The following SH3GL3 variants were observed in gnomAD, a reference collection of about 807,000 sequenced individuals.
SH3GL3 encodes the protein SH3 domain containing GRB2 like 3, endophilin A3.
SH3GL3 carries 33 observed loss-of-function variants against 47.7 expected under a neutral mutation model. That is an observed-to-expected ratio of 0.69 (90% confidence interval 0.52 to 0.92). The LOEUF (loss-of-function observed/expected upper bound fraction) is 0.92. SH3GL3 is among the 40% of genes least tolerant of loss of function. The pLI is 0.00. For missense variants in SH3GL3, 363 were observed against 417.8 expected (o/e 0.87, Z 1.14); for synonymous variants, 155 against 148.8 (o/e 1.04, Z -0.30).
At chr15:83,556,039 A>G (rs2151734289) in intron 1 of SH3GL3, among the ~76,000 whole-genome samples, 1 of 152,336 alleles carries the variant, frequency 6.6e-6, no homozygotes, top group East Asian at 1.9e-4. Flanking sequence ...TTCAGAGCAT[A>G]GGGAGTGCAT....
At chr15:83,523,997 A>G (rs908682815) in intron 1 of SH3GL3, among the ~76,000 whole-genome samples, 1 of 151,746 alleles carries the variant, frequency 6.6e-6, no homozygotes, top group Non-Finnish European at 1.5e-5. Context: ...GGAAGTGAAG[A>G]AAGTTAGTAG....
chr15:83,530,314 A>C (rs1383022770), intron 1 of SH3GL3, among the ~76,000 whole-genome samples: 4 of 152,122 alleles, frequency 2.6e-5, no homozygotes. Context: ...TCCATGGCTA[A>C]GATGACAGGA....
intron 6 of SH3GL3, among the ~76,000 whole-genome samples, chr15:83,585,370 C>T (rs1325044516): frequency 2.6e-5 from 4 of 152,164 alleles, no homozygotes; most frequent in African/African-American, 7.2e-5. Context: ...TCCCCAACCC[C>T]AAATATGTTT....
chr15:83,595,992 C>T (rs951725530), intron 8 of SH3GL3, among the ~76,000 whole-genome samples: 7 of 152,032 alleles, frequency 4.6e-5, no homozygotes, highest in South Asian at 2.1e-4. Flanking sequence ...TCGCCTTTTC[C>T]GATATATGTG....
intron 1 of SH3GL3, among the ~76,000 whole-genome samples, chr15:83,556,203 A>T (rs910849123): frequency 1.4e-5 from 2 of 142,568 alleles, no homozygotes; most frequent in Non-Finnish European, 2.9e-5. Flanking sequence ...TTTCTATCCC[A>T]AGTACCAGTC....
At chr15:83,625,759 A>G in the SH3GL3 span, among the ~76,000 whole-genome samples, 3 of 151,874 alleles carry the variant, frequency 2.0e-5, no homozygotes, top group Admixed American at 1.3e-4. Context: ...CTTTATTTCT[A>G]TCACTTAAAA....
intron 1 of SH3GL3, among the ~76,000 whole-genome samples, chr15:83,480,942 C>CCTTCTTGCCTGGTGCCTGT (rs1310439677): frequency 3.3e-5 from 5 of 152,044 alleles, no homozygotes; most frequent in Non-Finnish European, 5.9e-5. Flanking sequence ...TTGGTGCCTG[C>CCTTCTTGCCTGGTGCCTGT]CTTCTTGCCT....
chr15:83,569,271 A>G (rs1596280893), intron 4 of SH3GL3, among the ~76,000 whole-genome samples: 1 of 152,222 alleles, frequency 6.6e-6, no homozygotes, highest in African/African-American at 2.4e-5. Context: ...GTAAGGCTAT[A>G]GTACATATAC....
chr15:83,481,095 G>A (rs2041331271), intron 1 of SH3GL3, among the ~76,000 whole-genome samples: 1 of 152,046 alleles, frequency 6.6e-6, no homozygotes, highest in African/African-American at 2.4e-5. Context: ...GGCCAACATG[G>A]CGAAACTTCC....
At position 83,509,629 on chromosome 15, in the gene SH3GL3, C is replaced by T. The variant is rs142434208; in HGVS notation, c.46-49624C>T. ...TCAGTACTGGTTCCTGATACAAGAACTGTATTTACCCTTTTAAGAAGATGA... is the reference window on the plus strand; with the variant it reads ...TCAGTACTGGTTCCTGATACAAGAATTGTATTTACCCTTTTAAGAAGATGA... On this transcript the variant is annotated intron_variant, in intron 1 of 8. Transcript: ENST00000427482. 2.3e-3 allele frequency among the ~76,000 whole-genome samples: 343 copies of T among 152,236 alleles called. 13 individuals carry two copies. In the East Asian group the frequency reaches 0.055, roughly 25 times the overall value.
At chr15:83,576,159 A>G (rs1289926041) in intron 5 of SH3GL3, among the ~76,000 whole-genome samples, 1 of 152,182 alleles carries the variant, frequency 6.6e-6, no homozygotes, top group African/African-American at 2.4e-5. Flanking sequence ...TTGTGATTTT[A>G]TAGTCTACTA....
chr15:83,609,070 A>G (rs1229589715), intron 8 of SH3GL3, among the ~76,000 whole-genome samples: 1 of 152,206 alleles, frequency 6.6e-6, no homozygotes, highest in Non-Finnish European at 1.5e-5. Context: ...AGGGAAGCCC[A>G]GATCCTGGCT....
intron 1 of SH3GL3, among the ~76,000 whole-genome samples, chr15:83,508,559 T>G (rs768444060): frequency 6.6e-6 from 1 of 151,940 alleles, no homozygotes; most frequent in African/African-American, 2.4e-5. Context: ...TTCTGGAATA[T>G]TGTAGGGACA....
At chr15:83,478,681 C>A (rs1187477666) in intron 1 of SH3GL3, among the ~76,000 whole-genome samples, 1 of 152,184 alleles carries the variant, frequency 6.6e-6, no homozygotes, top group Non-Finnish European at 1.5e-5. Flanking sequence ...GCAGCTCAGC[C>A]ATTTTGGTAG....
intron 1 of SH3GL3, among the ~76,000 whole-genome samples, chr15:83,453,672 A>T (rs1464491320): frequency 8.1e-6 from 1 of 124,212 alleles, no homozygotes; most frequent in Non-Finnish European, 1.7e-5. Context: ...ATCATTTTTT[A>T]TTGTGTCTAT....
At chr15:83,551,494 T>C (rs1020561532) in intron 1 of SH3GL3, among the ~76,000 whole-genome samples, 7 of 152,146 alleles carry the variant, frequency 4.6e-5, no homozygotes, top group African/African-American at 1.7e-4. Context: ...TTGGCATTTT[T>C]CCCCACTCCA....
In SH3GL3 at chr15:83,448,783, C is replaced by G. The variant is rs759831339; in HGVS notation, c.45+1205C>G. ...AGGCTGAAAGGCACTGCTGTCCCCTCACTCACACTCTTTCCATATGGAAAC... is the reference window on the plus strand; with the variant it reads ...AGGCTGAAAGGCACTGCTGTCCCCTGACTCACACTCTTTCCATATGGAAAC... On this transcript the variant is annotated intron_variant, in intron 1 of 8. Transcript: ENST00000427482. This position sits in a 1 kb window ranked among gnomAD's most constrained non-coding sequence, Gnocchi z 4.2. Among the ~76,000 whole-genome samples, 3 of 152,048 alleles carry G rather than the reference C, an allele frequency of 2.0e-5. No individual in the cohort carries two copies. The highest frequency in any genetic ancestry group is 4.8e-5 in the African/African-American group (2 of 41,384).
chr15:83,485,628 C>T (rs375340599), intron 1 of SH3GL3, among the ~76,000 whole-genome samples: 7 of 151,932 alleles, frequency 4.6e-5, no homozygotes, highest in Non-Finnish European at 8.8e-5. Flanking sequence ...GAACTACAGG[C>T]GTATGCCACC....
chr15:83,587,525 T>TAAAAAAAAAAA (rs35935527), intron 7 of SH3GL3, among the ~76,000 whole-genome samples: 1 of 105,024 alleles, frequency 9.5e-6, no homozygotes, highest in Non-Finnish European at 1.9e-5. Flanking sequence ...TAAATATCTG[T>TAAAAAAAAAAA]AAAAAAAAAA....
Sources: gnomAD v4.1 joint callset for allele counts (sites outside exome capture counted in the v4.1 genomes callset) on GRCh38, gnomAD v4.1.1 for gene constraint, Gnocchi (gnomAD v3.1) non-coding constraint, MANE v1.5 for transcripts, NCBI Gene and HGNC (gene_info 2026-07-23, HGNC 2026-07-21) for gene names.